Variants in ELF2 observed in about 807,000 individuals in gnomAD.
ELF2 encodes the protein E74 like ETS transcription factor 2.
ELF2 carries 11 observed loss-of-function variants against 54.8 expected under a neutral mutation model. That is an observed-to-expected ratio of 0.20 (90% CI 0.13 to 0.33). The LOEUF (loss-of-function observed/expected upper bound fraction) is 0.33. Among genes scored for constraint, ELF2 ranks in the 10% least tolerant of loss-of-function variants. The pLI, the probability that ELF2 is intolerant of heterozygous loss-of-function variation, is 1.00. For synonymous variants in ELF2, 203 were observed against 245.1 expected, an observed-to-expected ratio of 0.83 and a Z score of 1.61; for missense variants, 513 against 703.0, an observed-to-expected ratio of 0.73 and a Z score of 3.06.
Position 139,113,808 on chromosome 4 carries a change from C to G in ELF2, c.238+11356G>C, listed in dbSNP as rs557593388. On this transcript the variant is annotated intron_variant, in intron 4 of 9. Coordinates refer to ENST00000686138, the MANE Select transcript of ELF2 (RefSeq NM_001331036.3). ...AGGCAGAGGTTGCAGTGAGCCAAGA[C>G]TGCGCCACTACACTCCAGCCTGGAC... Among the ~76,000 whole-genome samples, 6 of 150,670 alleles carry G rather than the reference C, an allele frequency of 4.0e-5. No individual in the cohort carries two copies. In the East Asian group the frequency reaches 5.9e-4, roughly 15 times the overall value.
At chr4:139,101,224 A>G (rs1733849871) in intron 4 of ELF2, among the ~76,000 whole-genome samples, 1 of 151,980 alleles carries the variant, frequency 6.6e-6, no homozygotes. Context: ...TTCCTTATAT[A>G]TTTTCCCCAC....
intron 4 of ELF2, chr4:139,084,444 CGGCGGCGGCGGCGGCGGCTGT>C: frequency 8.7e-7 from 1 of 1,146,340 alleles, no homozygotes; most frequent in Non-Finnish European, 1.1e-6. Flanking sequence ...GCAGGGGCGG[CGGCGGCGGCGGCGGCGGCTGT>C]GGCTGTGGCG....
chr4:139,061,197 G>A (rs1021148357), intron 8 of ELF2, among the ~76,000 whole-genome samples: 2 of 80,820 alleles, frequency 2.5e-5, no homozygotes, highest in Non-Finnish European at 5.1e-5. Context: ...TTTTTTTTTT[G>A]AGAGTCTCGC....
At chr4:139,130,460 T>G (rs530474844) in intron 3 of ELF2, among the ~76,000 whole-genome samples, 1 of 152,362 alleles carries the variant, frequency 6.6e-6, no homozygotes, top group East Asian at 1.9e-4. Flanking sequence ...CCAAGACTTT[T>G]GCTCATGTTA....
At chr4:139,124,817 T>G (rs1047627216) in intron 4 of ELF2, among the ~76,000 whole-genome samples, 5 of 152,200 alleles carry the variant, frequency 3.3e-5, no homozygotes, top group Non-Finnish European at 1.5e-5. Flanking sequence ...AATACCATTT[T>G]TTTTAATTTA....
In ELF2 at chr4:139,071,987, A is replaced by T. The variant is rs769500791; in HGVS notation, c.405T>A (p.Ala135=). The part of the protein sequence containing the change: ...CVSTPEFIHA[A]MRPDVITETV... ...TTTCTGTAATGACATCTGGCCTCAT[A>T]GCAGCATGGATGAATTCTGGAGTTG... Residue 135 remains alanine (A), a synonymous_variant, in exon 6 of 10, where the codon GCT becomes GCA. Transcript: ENST00000686138. 1.9e-6 allele frequency: 3 copies of T among 1,613,820 alleles called. No homozygotes were observed.
intron 1 of ELF2, among the ~76,000 whole-genome samples, chr4:139,154,731 T>C (rs1010400109): frequency 7.5e-6 from 1 of 132,878 alleles, no homozygotes; most frequent in African/African-American, 2.7e-5. Flanking sequence ...AAAAGAGTTC[T>C]AAGTCATCCC....
intron 1 of ELF2, among the ~76,000 whole-genome samples, chr4:139,165,635 C>G (rs920306645): frequency 1.3e-5 from 2 of 152,116 alleles, no homozygotes; most frequent in Non-Finnish European, 2.9e-5. Context: ...TGCACTCCAG[C>G]CTGGGCAACA....
At chr4:139,081,502 C>G (rs963896224) in intron 4 of ELF2, among the ~76,000 whole-genome samples, 2 of 152,128 alleles carry the variant, frequency 1.3e-5, no homozygotes, top group Non-Finnish European at 2.9e-5. Context: ...ATCATCAACC[C>G]ATTATAGCAA....
At chr4:139,098,233 C>T (rs760748620) in intron 4 of ELF2, among the ~76,000 whole-genome samples, 17 of 152,128 alleles carry the variant, frequency 1.1e-4, no homozygotes, top group Non-Finnish European at 1.9e-4. Context: ...AGATGTCCCA[C>T]TATTTTGTAG....
At chr4:139,119,888 C>T (rs936351262) in intron 4 of ELF2, among the ~76,000 whole-genome samples, 1 of 152,162 alleles carries the variant, frequency 6.6e-6, no homozygotes, top group Non-Finnish European at 1.5e-5. Flanking sequence ...ATTCTCTTGC[C>T]TCAGCCTCCT....
At chr4:139,159,700 T>C (rs1488009821) in intron 1 of ELF2, among the ~76,000 whole-genome samples, 1 of 152,188 alleles carries the variant, frequency 6.6e-6, no homozygotes. Context: ...AGCTACCTTA[T>C]CAGCGTAAGC....
chr4:139,059,748 G>A lies in ELF2; in HGVS notation c.1158-141C>T, dbSNP rs1034145821. On this transcript the variant is annotated intron_variant, in intron 9 of 9. Transcript: ENST00000686138. Reference sequence around the variant, plus strand: ...TACAGAGGTACTGGCAATCCCTGATGTTTGACACAAACATACCATGATATA... The same window carrying A: ...TACAGAGGTACTGGCAATCCCTGATATTTGACACAAACATACCATGATATA... 4 of 917,114 alleles carry A rather than the reference G, an allele frequency of 4.4e-6. No homozygotes were observed. The African/African-American group carries it at 5.0e-5, about 11-fold the overall frequency. 56.8% of individuals were successfully genotyped at this position (917,114 alleles called of 1,614,324 possible).
At chr4:139,102,279 T>C (rs1356127580) in intron 4 of ELF2, 2 of 151,564 alleles carry the variant, frequency 1.3e-5, no homozygotes, top group African/African-American at 4.9e-5. Context: ...TCCCAGCACT[T>C]TGGGAGGCCG....
At position 139,072,029 on chromosome 4, in the gene ELF2, A is replaced by G. The variant is rs1729586521; in HGVS notation, c.363T>C (p.Phe121=). ...LRDSRSPVEV[F]VPPCVSTPEF... ...CTGGAGTTGATACACAAGGAGGAACAAACACTTCCACTATAAAAAAAAGTT... is the reference window on the plus strand; with the variant it reads ...CTGGAGTTGATACACAAGGAGGAACGAACACTTCCACTATAAAAAAAAGTT... Residue 121 remains phenylalanine (F), a synonymous_variant, in exon 6 of 10, where the codon TTT becomes TTC. Transcript: ENST00000686138. 6.2e-7 allele frequency: 1 copy of G among 1,609,726 alleles called. No homozygotes were observed. The highest frequency in any genetic ancestry group is 1.1e-5 in the South Asian group (1 of 89,938).
chr4:139,159,204 G>T (rs757803633), intron 1 of ELF2, among the ~76,000 whole-genome samples: 1 of 152,178 alleles, frequency 6.6e-6, no homozygotes, highest in African/African-American at 2.4e-5. Context: ...CCCCGAGCTT[G>T]ATGTGTAGGG....
chr4:139,084,363 G>C, intron 4 of ELF2: 1 of 1,482,948 alleles, frequency 6.7e-7, no homozygotes. Context: ...ACAGGAAGCC[G>C]AGGCCGGCCC....
At chr4:139,072,116 G>T in intron 5 of ELF2, 77 bp from the exon 6 acceptor site, 1 of 1,402,028 alleles carries the variant, frequency 7.1e-7, no homozygotes. Context: ...ATATTTAGAA[G>T]AGGCGAGGTG....
At chr4:139,078,184 C>T (rs903323141) in intron 4 of ELF2, among the ~76,000 whole-genome samples, 4 of 152,152 alleles carry the variant, frequency 2.6e-5, no homozygotes, top group African/African-American at 9.7e-5. Context: ...GCATACCTCT[C>T]AGCTTTGCAT....
Sources: gnomAD v4.1 joint callset for allele counts (sites outside exome capture counted in the v4.1 genomes callset) on GRCh38, gnomAD v4.1.1 for gene constraint, MANE v1.5 for transcripts, NCBI Gene and HGNC (gene_info 2026-07-23, HGNC 2026-07-21) for gene names.